The following PRKCB variants were observed in gnomAD, a reference collection of about 807,000 sequenced individuals.
PRKCB encodes protein kinase C beta, also known as protein kinase C beta type.
PRKCB carries 13 observed loss-of-function variants against 81.5 expected under a neutral mutation model. The observed-to-expected ratio is 0.16, with a 90% CI of 0.10 to 0.25. The LOEUF is 0.25. PRKCB is among the 10% of genes least tolerant of loss of function. The probability of loss-of-function intolerance (pLI) is 1.00; values close to 1 mark genes in which losing one functional copy is unlikely to be tolerated. For synonymous variants in PRKCB, 335 were observed against 321.4 expected, an observed-to-expected ratio of 1.04 and a Z score of -0.45; for missense variants, 509 against 875.7, an observed-to-expected ratio of 0.58 and a Z score of 5.29.
At chr16:24,036,959 A>G (rs1567352563) in intron 5 of PRKCB, among the ~76,000 whole-genome samples, 1 of 152,268 alleles carries the variant, frequency 6.6e-6, no homozygotes, top group East Asian at 1.9e-4. Flanking sequence ...CTTACGTGTT[A>G]TCTCTTTCCA....
At chr16:24,115,277 A>G (rs1966724081) in intron 8 of PRKCB, among the ~76,000 whole-genome samples, 4 of 142,990 alleles carry the variant, frequency 2.8e-5, no homozygotes, top group African/African-American at 1.0e-4. Flanking sequence ...TTTAGCATTT[A>G]TCCCAAGAGC....
chr16:24,067,444 T>A lies in PRKCB; in HGVS notation c.530-25347T>A, dbSNP rs1020981101. Among the ~76,000 whole-genome samples the A allele has an allele frequency of 3.3e-5, 5 of 152,030 alleles. No homozygotes were observed. The East Asian group carries it at 7.8e-4, about 24-fold the overall frequency. On this transcript the variant is annotated intron_variant, in intron 5 of 16. Transcript: ENST00000643927. ...ACTCCTGAGTAGCTGGGACTATAGATGTGTATCACCACACCCCACTAATGT... is the reference window on the plus strand; with the variant it reads ...ACTCCTGAGTAGCTGGGACTATAGAAGTGTATCACCACACCCCACTAATGT...
At position 24,181,771 on chromosome 16, in the gene PRKCB, CAA is replaced by C. The variant is rs71154286; in HGVS notation, c.1533+862_1533+863del. On this transcript the variant is annotated intron_variant, in intron 13 of 16. Coordinates refer to ENST00000643927, the MANE Select transcript of PRKCB (RefSeq NM_002738.7). The stretch of plus-strand genomic sequence containing the variant: ...TGGGTGACACAGTAAGACCCTGTCT[CAA>C]AAAAAAAAAAAAAAAAAAGAAGAAG... Among the ~76,000 whole-genome samples the C allele has an allele frequency of 2.2e-3, 53 of 24,574 alleles. 3 individuals are homozygous for C. Among genetic ancestry groups the C allele is most frequent in the African/African-American group, 4.4e-3 (23 of 5,220 alleles). The allele number at this position is 24,574 out of a possible 152,430, so 16.1% of individuals were successfully genotyped here.
intron 3 of PRKCB, among the ~76,000 whole-genome samples, chr16:24,024,076 C>T (rs1965443640): frequency 6.6e-6 from 1 of 152,240 alleles, no homozygotes; most frequent in Non-Finnish European, 1.5e-5. Flanking sequence ...CCAGGAGCTT[C>T]ATCCCTGGGG....
rs766440820 is a variant in PRKCB at position 24,209,651 on chromosome 16, C to T, written c.1864-5007C>T. Among the ~76,000 whole-genome samples the T allele has an allele frequency of 6.6e-5, 10 of 152,060 alleles. No homozygotes were observed. The East Asian group carries it at 7.7e-4, about 12-fold the overall frequency. On this transcript the variant is annotated intron_variant, in intron 16 of 16. Transcript: ENST00000643927. ...CTGAATTCAGAATATACCCCACATC[C>T]GAATGCATCTTTCCATCCCTCCACC...
chr16:24,034,506 T>A (rs533511726), intron 4 of PRKCB, among the ~76,000 whole-genome samples: 1 of 152,188 alleles, frequency 6.6e-6, no homozygotes, highest in Non-Finnish European at 1.5e-5. Context: ...ACAGATACTC[T>A]ACGGAGGAGT....
intron 8 of PRKCB, among the ~76,000 whole-genome samples, chr16:24,118,679 C>T (rs1029803255): frequency 2.4e-4 from 37 of 152,312 alleles, no homozygotes; most frequent in South Asian, 4.1e-4. Flanking sequence ...TATTTGCTTT[C>T]TCTCTTAGCA....
intron 2 of PRKCB, among the ~76,000 whole-genome samples, chr16:23,842,914 G>C (rs1962292095): frequency 6.6e-6 from 1 of 151,856 alleles, no homozygotes; most frequent in African/African-American, 2.4e-5. Flanking sequence ...TAGAATTGAT[G>C]ATAATGAGTA....
chr16:24,131,741 A>G (rs939191013), intron 9 of PRKCB, among the ~76,000 whole-genome samples: 1 of 152,208 alleles, frequency 6.6e-6, no homozygotes, highest in Non-Finnish European at 1.5e-5. Flanking sequence ...TATACCAGTT[A>G]TATATTTATT....
At chr16:23,988,004 G>C (rs1165098966) in intron 2 of PRKCB, among the ~76,000 whole-genome samples, 1 of 152,164 alleles carries the variant, frequency 6.6e-6, no homozygotes, top group Non-Finnish European at 1.5e-5. Context: ...TCTTCTATTA[G>C]ATTGACGTTG....
Position 23,984,722 on chromosome 16 carries a change from G to T in PRKCB, c.206-3786G>T, listed in dbSNP as rs1021473555. Among the ~76,000 whole-genome samples the T allele has an allele frequency of 2.6e-5, 4 of 152,192 alleles. No individual in the cohort carries two copies. The South Asian group carries it at 8.3e-4, about 32-fold the overall frequency. On this transcript the variant is annotated intron_variant, in intron 2 of 16. Transcript: ENST00000643927. ...TGCTACAATTTAAACACGTTGAGAA[G>T]AACACTGTGGATAATTTCCAAGGAA...
intron 7 of PRKCB, among the ~76,000 whole-genome samples, chr16:24,104,759 G>A (rs1351461723): frequency 6.6e-6 from 1 of 152,204 alleles, no homozygotes; most frequent in Non-Finnish European, 1.5e-5. Flanking sequence ...CAAGTTGGAA[G>A]AGCAGTAAGG....
intron 9 of PRKCB, among the ~76,000 whole-genome samples, chr16:24,135,907 A>G (rs1337721748): frequency 6.6e-6 from 1 of 152,170 alleles, no homozygotes; most frequent in Middle Eastern, 3.2e-3. Context: ...CCTTTATCAT[A>G]TGGTTCACAG....
At chr16:24,129,656 A>G (rs1359610430) in intron 9 of PRKCB, among the ~76,000 whole-genome samples, 1 of 152,034 alleles carries the variant, frequency 6.6e-6, no homozygotes, top group Non-Finnish European at 1.5e-5. Context: ...TTTATCATCT[A>G]TCATCTATTT....
intron 2 of PRKCB, among the ~76,000 whole-genome samples, chr16:23,931,722 C>G (rs1005728619): frequency 6.6e-6 from 1 of 152,052 alleles, no homozygotes; most frequent in African/African-American, 2.4e-5. Flanking sequence ...TCCCGGCCTT[C>G]TGGCCTGCTG....
chr16:24,119,349 C>A (rs539019557), intron 8 of PRKCB, among the ~76,000 whole-genome samples: 1 of 151,944 alleles, frequency 6.6e-6, no homozygotes, highest in Non-Finnish European at 1.5e-5. Flanking sequence ...TTCCCACCCC[C>A]CCAAAAAAGT....
intron 2 of PRKCB, among the ~76,000 whole-genome samples, chr16:23,981,379 A>G (rs991086230): frequency 2.0e-5 from 3 of 151,874 alleles, no homozygotes; most frequent in African/African-American, 4.8e-5. Flanking sequence ...CATCCAGATA[A>G]TCTAGTATAA....
At chr16:23,856,528 C>CTT (rs11398957) in intron 2 of PRKCB, among the ~76,000 whole-genome samples, 2,592 of 145,170 alleles carry the variant, frequency 0.018, 69 homozygotes, top group African/African-American at 0.057. Context: ...TTTCACGAAA[C>CTT]TTTTTTTTTT....
chr16:24,169,072 C>T (rs1042078247), intron 10 of PRKCB, among the ~76,000 whole-genome samples: 12 of 151,918 alleles, frequency 7.9e-5, no homozygotes, highest in Admixed American at 2.6e-4. Context: ...TAGAGATTAT[C>T]GCATATGTTA....
Sources: gnomAD v4.1 joint callset for allele counts (sites outside exome capture counted in the v4.1 genomes callset) on GRCh38, gnomAD v4.1.1 for gene constraint, MANE v1.5 for transcripts, NCBI Gene and HGNC (gene_info 2026-07-23, HGNC 2026-07-21) for gene names.